The following DENND1A variants were observed in gnomAD, a reference collection of about 807,000 sequenced individuals.
DENND1A encodes the protein DENN domain containing 1A.
In DENND1A, 51 loss-of-function variants were observed where a neutral mutation model predicts 113.7. The ratio of observed to expected loss-of-function variants is 0.45; its 90% CI spans 0.36 to 0.57. DENND1A has a LOEUF of 0.57. Among genes scored for constraint, DENND1A ranks in the 20% least tolerant of loss-of-function variants. DENND1A has a pLI of 0.00. For missense variants in DENND1A, 1,258 were observed against 1,395.9 expected (o/e 0.90, Z 1.57); for synonymous variants, 565 against 570.8 (o/e 0.99, Z 0.14).
intron 2 of DENND1A, among the ~76,000 whole-genome samples, chr9:123,822,028 T>A (rs577419822): frequency 1.3e-5 from 2 of 152,304 alleles, no homozygotes; most frequent in Admixed American, 1.3e-4. Context: ...AACTGAAAAA[T>A]GAAATCACTT....
At chr9:123,655,841 T>A (rs1378570412) in intron 8 of DENND1A, among the ~76,000 whole-genome samples, 2 of 152,212 alleles carry the variant, frequency 1.3e-5, no homozygotes, top group African/African-American at 2.4e-5. Flanking sequence ...TCCTGCAGAC[T>A]AAATCCTCAT....
chr9:123,675,028 G>A (rs1187436361), intron 6 of DENND1A, among the ~76,000 whole-genome samples: 1 of 152,118 alleles, frequency 6.6e-6, no homozygotes, highest in Non-Finnish European at 1.5e-5. Flanking sequence ...CAGACCCAAG[G>A]TGACCTCCTA....
chr9:123,731,892 C>A (rs2068200239), intron 5 of DENND1A, among the ~76,000 whole-genome samples: 1 of 152,118 alleles, frequency 6.6e-6, no homozygotes, highest in Non-Finnish European at 1.5e-5. Flanking sequence ...GGAAACAAAT[C>A]AATTTTTTTA....
intron 1 of DENND1A, among the ~76,000 whole-genome samples, chr9:123,923,435 G>C (rs1408454607): frequency 6.6e-6 from 1 of 152,206 alleles, no homozygotes; most frequent in African/African-American, 2.4e-5. Context: ...AGAAAGGGAA[G>C]AGGGGAATAG....
intron 13 of DENND1A, among the ~76,000 whole-genome samples, chr9:123,544,309 T>C (rs911675815): frequency 1.3e-5 from 2 of 152,226 alleles, no homozygotes; most frequent in African/African-American, 4.8e-5. Flanking sequence ...ATTAAAATTA[T>C]CTATTAAAGG....
At chr9:123,570,123 TC>T (rs1306246119) in intron 12 of DENND1A, among the ~76,000 whole-genome samples, 1 of 152,188 alleles carries the variant, frequency 6.6e-6, no homozygotes, top group African/African-American at 2.4e-5. Flanking sequence ...ATCGCTCCTT[TC>T]CAGGAAGGAT....
At position 123,413,383 on chromosome 9, in the gene DENND1A, C is replaced by T. The variant is rs554243544; in HGVS notation, c.1489-1554G>A. On this transcript the variant is annotated intron_variant, in intron 19 of 23. Coordinates refer to ENST00000394215, the MANE Select transcript of DENND1A (RefSeq NM_001352964.2). ...ACATTCAGAATTCCACATGTGACTC[C>T]CGTATGAAGCTCCCATTATGTTTTT... is the stretch of plus-strand genomic sequence containing the variant. The T allele has an allele frequency of 4.1e-5, 40 of 978,932 alleles. No individual in the cohort carries two copies. The South Asian group carries it at 1.7e-3, about 43-fold the overall frequency. 60.6% of individuals were successfully genotyped at this position (978,932 alleles called of 1,614,324 possible).
At chr9:123,779,594 G>T (rs945045239) in intron 3 of DENND1A, among the ~76,000 whole-genome samples, 6 of 152,040 alleles carry the variant, frequency 3.9e-5, no homozygotes, top group Admixed American at 3.3e-4. Flanking sequence ...CTGCCTCCTG[G>T]GCTCAAGCAG....
intron 13 of DENND1A, among the ~76,000 whole-genome samples, chr9:123,470,356 C>A (rs984906223): frequency 4.6e-5 from 7 of 152,248 alleles, no homozygotes; most frequent in Admixed American, 3.3e-4. Flanking sequence ...GGCTCAACCA[C>A]GTGGCCAGCG....
At chr9:123,664,661 A>G (rs2063408632) in intron 8 of DENND1A, among the ~76,000 whole-genome samples, 1 of 152,164 alleles carries the variant, frequency 6.6e-6, no homozygotes, top group Non-Finnish European at 1.5e-5. Flanking sequence ...ATTTCTAAAT[A>G]ATAACTAATT....
chr9:123,739,353 T>A (rs2068814172), intron 5 of DENND1A, among the ~76,000 whole-genome samples: 1 of 149,276 alleles, frequency 6.7e-6, no homozygotes, highest in Non-Finnish European at 1.5e-5. Context: ...GTTTCCAGAG[T>A]CCTGATTTTC....
chr9:123,868,471 G>A (rs543795760), intron 2 of DENND1A, among the ~76,000 whole-genome samples: 7 of 152,316 alleles, frequency 4.6e-5, no homozygotes, highest in Non-Finnish European at 7.3e-5. Flanking sequence ...CATGCATGGT[G>A]CACTCCCATT....
intron 13 of DENND1A, among the ~76,000 whole-genome samples, chr9:123,513,400 T>G (rs2053616248): frequency 6.6e-6 from 1 of 152,214 alleles, no homozygotes. Flanking sequence ...CTTTTTAGGG[T>G]GGGTCCCAGA....
chr9:123,609,106 T>C (rs575231528), intron 11 of DENND1A, among the ~76,000 whole-genome samples: 2 of 152,340 alleles, frequency 1.3e-5, no homozygotes, highest in Admixed American at 6.5e-5. Flanking sequence ...GAATGCAATA[T>C]TGCTATAGCG....
At position 123,382,469 on chromosome 9, in the gene DENND1A, C is replaced by T. The variant is rs573967328; in HGVS notation, c.2176G>A (p.Gly726Arg). The T allele has an allele frequency of 2.8e-5, 45 of 1,613,470 alleles. No individual in the cohort carries two copies. Among genetic ancestry groups the T allele is most frequent in the East Asian group, 6.7e-5 (3 of 44,874 alleles). Residue 726 changes from glycine (G) to arginine (R), a missense_variant, in exon 24 of 24, where the codon GGA (glycine) becomes AGA (arginine). By Grantham distance (125) the Gly-to-Arg change is moderately radical (BLOSUM62 -2). Coordinates refer to ENST00000394215, the MANE Select transcript of DENND1A (RefSeq NM_001352964.2). ...ASPEKPSALL[G>R]NSLALPRRPQ... is the part of the protein sequence containing the mutation. ...CTTCGAGGCAGGGCCAGGGAGTTTCCGAGCAGGGCTGAGGGCTTCTCAGGG... is the reference window on the plus strand; with the variant it reads ...CTTCGAGGCAGGGCCAGGGAGTTTCTGAGCAGGGCTGAGGGCTTCTCAGGG...
chr9:123,860,155 G>A (rs991151373), intron 2 of DENND1A, among the ~76,000 whole-genome samples: 11 of 152,272 alleles, frequency 7.2e-5, no homozygotes, highest in Middle Eastern at 3.4e-3. Flanking sequence ...GCAACGTTAC[G>A]TTGTCTCTGG....
At chr9:123,459,366 C>A (rs2048366894) in intron 13 of DENND1A, among the ~76,000 whole-genome samples, 1 of 152,134 alleles carries the variant, frequency 6.6e-6, no homozygotes, top group Non-Finnish European at 1.5e-5. Flanking sequence ...CTTTGAAAAC[C>A]ATTTACACAG....
chr9:123,905,612 G>A (rs1399112671), intron 1 of DENND1A, among the ~76,000 whole-genome samples: 5 of 145,856 alleles, frequency 3.4e-5, no homozygotes, highest in East Asian at 2.0e-4. Context: ...GACAAAGAAG[G>A]CCATTACATA....
At chr9:123,837,160 C>T (rs182031406) in intron 2 of DENND1A, among the ~76,000 whole-genome samples, 2 of 152,288 alleles carry the variant, frequency 1.3e-5, no homozygotes, top group African/African-American at 4.8e-5. Context: ...TCCTCCCAAC[C>T]GAGGATAAAG....
Sources: gnomAD v4.1 joint callset for allele counts (sites outside exome capture counted in the v4.1 genomes callset) on GRCh38, gnomAD v4.1.1 for gene constraint, MANE v1.5 for transcripts, NCBI Gene and HGNC (gene_info 2026-07-23, HGNC 2026-07-21) for gene names.